The following ARHGAP42 variants were observed in gnomAD, a reference collection of about 807,000 sequenced individuals.
ARHGAP42 encodes the protein rho GTPase-activating protein 42.
In ARHGAP42, 63 loss-of-function variants were observed where a neutral mutation model predicts 125.0. That is an observed-to-expected ratio of 0.50 (90% CI 0.41 to 0.62). The LOEUF is 0.62. ARHGAP42 is among the 20% of genes least tolerant of loss of function. The probability of loss-of-function intolerance (pLI) is 0.00; values close to 1 mark genes in which losing one functional copy is unlikely to be tolerated. For synonymous variants in ARHGAP42, 339 were observed against 351.0 expected, an observed-to-expected ratio of 0.97 and a Z score of 0.38; for missense variants, 766 against 1,024.2, an observed-to-expected ratio of 0.75 and a Z score of 3.44.
intron 1 of ARHGAP42, among the ~76,000 whole-genome samples, chr11:100,699,508 T>TATA (rs1861360915): frequency 2.9e-5 from 1 of 34,806 alleles, no homozygotes; most frequent in African/African-American, 1.8e-4. Flanking sequence ...ATATATATAT[T>TATA]TTTTTTTTTT....
intron 4 of ARHGAP42, among the ~76,000 whole-genome samples, chr11:100,883,744 C>T (rs973764063): frequency 1.3e-5 from 2 of 152,058 alleles, no homozygotes; most frequent in Non-Finnish European, 2.9e-5. Context: ...TTTTGGAGAA[C>T]TTTATAGAGA....
Position 100,875,761 on chromosome 11 carries a change from C to CGGGG in ARHGAP42, c.384+16139_384+16142dup, listed in dbSNP as rs66825732. Among the ~76,000 whole-genome samples, 94 of 151,798 alleles carry CGGGG rather than the reference C, an allele frequency of 6.2e-4. No individual in the cohort carries two copies. In the East Asian group the frequency reaches 8.8e-3, roughly 14 times the overall value. ...AGGGACATGGCCACGTCCAGGGTGG[C>CGGGG]GGGGGGTGACTGGACAGGGCCAGCT... On this transcript the variant is annotated intron_variant, in intron 4 of 23. Transcript: ENST00000298815.
chr11:100,971,410 AAAAG>A (rs1330595148), intron 17 of ARHGAP42, among the ~76,000 whole-genome samples: 5 of 152,262 alleles, frequency 3.3e-5, no homozygotes, highest in African/African-American at 9.6e-5. Flanking sequence ...CTCTTTTAAT[AAAAG>A]AAAGAGAGAT....
At position 100,976,191 on chromosome 11, in the gene ARHGAP42, T is replaced by TG; in HGVS notation, c.1992dup (p.Ile665AspfsTer19). On this transcript the variant is annotated frameshift_variant, in exon 20 of 24. Coordinates refer to ENST00000298815, the MANE Select transcript of ARHGAP42 (RefSeq NM_152432.4). LOFTEE classifies it high-confidence loss of function. ...CAGGGAGAAATCTGGAGGGATTCCT[T>TG]GGATTGCAACCCCATCATCTTCCAA... The TG allele has an allele frequency of 6.4e-7, 1 of 1,551,658 alleles. No homozygotes were observed. Among genetic ancestry groups the TG allele is most frequent in the South Asian group, 1.2e-5 (1 of 84,036 alleles).
Position 100,687,645 on chromosome 11 carries a change from C to T in ARHGAP42, c.-34C>T. On this transcript the variant is annotated 5_prime_UTR_variant, in exon 1 of 24. It adds an upstream start codon to the 5' untranslated region. Transcript: ENST00000298815. Reference sequence around the variant, plus strand: ...CCCCCGCCCTGACCTCCGGCCCGGACGTGTCCGCGGCCGCCGCTGGCAGCG... The same window carrying T: ...CCCCCGCCCTGACCTCCGGCCCGGATGTGTCCGCGGCCGCCGCTGGCAGCG... The T allele has an allele frequency of 1.4e-6, 2 of 1,404,822 alleles. No individual in the cohort carries two copies. Among genetic ancestry groups the T allele is most frequent in the Non-Finnish European group, 1.9e-6 (2 of 1,067,178 alleles). The allele number at this position is 1,404,822 out of a possible 1,614,324, so 87.0% of individuals were successfully genotyped here.
At chr11:100,930,041 A>G (rs1867531402) in intron 6 of ARHGAP42, among the ~76,000 whole-genome samples, 1 of 152,238 alleles carries the variant, frequency 6.6e-6, no homozygotes, top group African/African-American at 2.4e-5. Flanking sequence ...TGGGAATAAT[A>G]AAGTGCTATA....
At position 100,989,080 on chromosome 11, in the gene ARHGAP42, C is replaced by G. The variant is rs1265124031; in HGVS notation, c.*279C>G. ...ACTCTCCACAATGTCGCTTCCGTAG[C>G]AATTGTAGAGTTTCAAATACTGTGT... On this transcript the variant is annotated 3_prime_UTR_variant, in exon 24 of 24. Coordinates refer to ENST00000298815, the MANE Select transcript of ARHGAP42 (RefSeq NM_152432.4). 2 of 451,528 alleles carry G rather than the reference C, an allele frequency of 4.4e-6. No individual in the cohort carries two copies. Among genetic ancestry groups the G allele is most frequent in the East Asian group, 6.0e-5 (2 of 33,248 alleles). 28.0% of individuals were successfully genotyped at this position (451,528 alleles called of 1,614,324 possible).
intron 6 of ARHGAP42, among the ~76,000 whole-genome samples, chr11:100,929,987 C>G (rs1867529843): frequency 6.6e-6 from 1 of 152,176 alleles, no homozygotes; most frequent in African/African-American, 2.4e-5. Flanking sequence ...GTTTTTCCAA[C>G]TGGTTGGGTT....
intron 4 of ARHGAP42, among the ~76,000 whole-genome samples, chr11:100,911,448 AT>A (rs1407098727): frequency 1.3e-5 from 2 of 152,104 alleles, no homozygotes; most frequent in Non-Finnish European, 2.9e-5. Context: ...TATGAATGGC[AT>A]TTATTTGAGC....
At chr11:100,867,894 G>C (rs907634024) in intron 4 of ARHGAP42, among the ~76,000 whole-genome samples, 1 of 152,184 alleles carries the variant, frequency 6.6e-6, no homozygotes, top group Non-Finnish European at 1.5e-5. Context: ...GCCTAATTGT[G>C]TGTCGGGGAA....
intron 4 of ARHGAP42, among the ~76,000 whole-genome samples, chr11:100,891,872 G>A (rs1866228401): frequency 1.3e-5 from 2 of 152,198 alleles, no homozygotes; most frequent in South Asian, 4.1e-4. Flanking sequence ...ATCTAATGTG[G>A]AAGTCCAGTC....
intron 4 of ARHGAP42, among the ~76,000 whole-genome samples, chr11:100,894,847 A>T (rs1866307131): frequency 6.6e-6 from 1 of 152,210 alleles, no homozygotes; most frequent in South Asian, 2.1e-4. Context: ...ATTTTCTACA[A>T]TTCCCACCTT....
intron 8 of ARHGAP42, 76 bp from the exon 9 acceptor site, chr11:100,941,708 G>T: frequency 1.2e-6 from 1 of 806,522 alleles, no homozygotes. Flanking sequence ...GTATATCATA[G>T]CACTGGAGAA....
At chr11:100,726,744 GGAT>G (rs1192792905) in intron 1 of ARHGAP42, among the ~76,000 whole-genome samples, 1 of 152,180 alleles carries the variant, frequency 6.6e-6, no homozygotes, top group South Asian at 2.1e-4. Flanking sequence ...CTCCTTGAGT[GGAT>G]GACTGAGCTG....
At position 100,920,313 on chromosome 11, in the gene ARHGAP42, G is replaced by T. The variant is rs536850403; in HGVS notation, c.487-1181G>T. 3.2e-4 allele frequency among the ~76,000 whole-genome samples: 49 copies of T among 152,162 alleles called. 1 individual carries two copies. The highest frequency in any genetic ancestry group is 1.1e-3 in the African/African-American group (46 of 41,512). ...ACAGCTGATTCTTGAACAACATGGGGGTTAGGTGCACCTACTCCCTGCATA... is the reference window on the plus strand; with the variant it reads ...ACAGCTGATTCTTGAACAACATGGGTGTTAGGTGCACCTACTCCCTGCATA... On this transcript the variant is annotated intron_variant, in intron 5 of 23. Coordinates refer to ENST00000298815, the MANE Select transcript of ARHGAP42 (RefSeq NM_152432.4).
chr11:100,746,399 C>G (rs1862305743), intron 1 of ARHGAP42, among the ~76,000 whole-genome samples: 1 of 152,226 alleles, frequency 6.6e-6, no homozygotes, highest in Non-Finnish European at 1.5e-5. Context: ...AAAAGAGCTA[C>G]CATGCAGCCC....
intron 1 of ARHGAP42, among the ~76,000 whole-genome samples, chr11:100,734,711 A>G (rs565818116): frequency 3.9e-5 from 6 of 152,232 alleles, no homozygotes; most frequent in African/African-American, 1.2e-4. Flanking sequence ...CAAAATGTCA[A>G]CCTGTTGGAA....
chr11:100,911,994 C>T (rs1220010653), intron 4 of ARHGAP42, among the ~76,000 whole-genome samples: 1 of 152,138 alleles, frequency 6.6e-6, no homozygotes, highest in Non-Finnish European at 1.5e-5. Context: ...ACTCTTAAAG[C>T]AGAACCTGAC....
intron 1 of ARHGAP42, among the ~76,000 whole-genome samples, chr11:100,731,535 T>C (rs948340665): frequency 6.6e-6 from 1 of 152,170 alleles, no homozygotes; most frequent in Non-Finnish European, 1.5e-5. Flanking sequence ...GATCTTTTCA[T>C]TTTGCTGCTT....
Sources: allele counts gnomAD v4.1 joint callset (sites outside exome capture counted in the v4.1 genomes callset), GRCh38; gene constraint gnomAD v4.1.1; transcripts MANE v1.5; gene names NCBI Gene and HGNC (gene_info 2026-07-23, HGNC 2026-07-21).